Variants in TBC1D15 observed in about 807,000 individuals in gnomAD.
The protein encoded by TBC1D15 is GAP for RAB7.
TBC1D15 carries 39 observed loss-of-function variants against 95.4 expected under a neutral mutation model. The ratio of observed to expected loss-of-function variants is 0.41; its 90% CI spans 0.32 to 0.53. TBC1D15 has a LOEUF of 0.53. Ranked by LOEUF, TBC1D15 falls within the 20% of genes least tolerant of loss-of-function variation. TBC1D15 has a pLI of 0.29. For synonymous variants in TBC1D15, 258 were observed against 261.3 expected (o/e 0.99, Z 0.12); for missense variants, 733 against 794.3 (o/e 0.92, Z 0.93).
At position 71,923,239 on chromosome 12, in the gene TBC1D15, G is replaced by A; in HGVS notation, c.*35G>A. 6.3e-7 allele frequency: 1 copy of A among 1,598,024 alleles called. No individual in the cohort carries two copies. The highest frequency in any genetic ancestry group is 8.6e-7 in the Non-Finnish European group (1 of 1,167,248). ...TTGCTTTTTTGGGAAGAGACACTTT[G>A]TTGCAACCCTTTTTCAAGTACTTGA... On this transcript the variant is annotated 3_prime_UTR_variant, in exon 17 of 17. Transcript: ENST00000485960.
chr12:71,880,687 A>C (rs1345482986), intron 4 of TBC1D15, 80 bp downstream of exon 4: 5 of 1,431,404 alleles, frequency 3.5e-6, no homozygotes, highest in Non-Finnish European at 4.7e-6. Flanking sequence ...AGATTCGTGA[A>C]TGCTCCTCAG....
At position 71,884,914 on chromosome 12, in the gene TBC1D15, T is replaced by G; in HGVS notation, c.447T>G (p.Tyr149Ter). ...KQNKEGMGWS[Y>*]LVFCLKDDVV... ...ACAAAGAGGGTATGGGCTGGTCCTATTTGGTATTCTGTCTAAAGGATGACG... is the reference window on the plus strand; with the variant it reads ...ACAAAGAGGGTATGGGCTGGTCCTAGTTGGTATTCTGTCTAAAGGATGACG... The change falls in exon 5 of 17, where the codon TAT (tyrosine) becomes TAG (stop). Residue 149 changes from tyrosine to a stop codon, truncating the protein, a stop_gained. Transcript: ENST00000485960. LOFTEE classifies it high-confidence loss of function. 5 of 1,614,070 alleles carry G rather than the reference T, an allele frequency of 3.1e-6. No individual in the cohort carries two copies. The highest frequency in any genetic ancestry group is 4.2e-6 in the Non-Finnish European group (5 of 1,179,960).
At chr12:71,888,213 C>T (rs952584309) in intron 5 of TBC1D15, among the ~76,000 whole-genome samples, 1 of 152,172 alleles carries the variant, frequency 6.6e-6, no homozygotes, top group Non-Finnish European at 1.5e-5. Flanking sequence ...GATGGGCACA[C>T]TGGCCTATGC....
At chr12:71,844,331 G>C (rs767195246) in intron 1 of TBC1D15, among the ~76,000 whole-genome samples, 38 of 152,160 alleles carry the variant, frequency 2.5e-4, no homozygotes, top group Non-Finnish European at 4.4e-4. Context: ...TTTATGATCT[G>C]ATCTGGTCTC....
At chr12:71,879,515 A>T (rs1405499062) in intron 3 of TBC1D15, among the ~76,000 whole-genome samples, 3 of 152,290 alleles carry the variant, frequency 2.0e-5, no homozygotes, top group Middle Eastern at 3.4e-3. Context: ...GTATGTGTTT[A>T]GAAAGACCTA....
At chr12:71,904,278 G>A (rs151318468) in intron 10 of TBC1D15, among the ~76,000 whole-genome samples, 39 of 152,298 alleles carry the variant, frequency 2.6e-4, no homozygotes, top group Admixed American at 7.8e-4. Flanking sequence ...GAGATCACTG[G>A]AGATTTTGAT....
intron 1 of TBC1D15, among the ~76,000 whole-genome samples, chr12:71,859,424 AT>A (rs1348825710): frequency 6.6e-6 from 1 of 151,866 alleles, no homozygotes; most frequent in Non-Finnish European, 1.5e-5. Flanking sequence ...CTTGTTTCCT[AT>A]GCTATGCAGA....
At chr12:71,900,177 C>T (rs1419384372) in intron 10 of TBC1D15, among the ~76,000 whole-genome samples, 1 of 151,784 alleles carries the variant, frequency 6.6e-6, no homozygotes, top group Non-Finnish European at 1.5e-5. Flanking sequence ...GGTATATATA[C>T]CTTAAGGTGA....
At chr12:71,871,201 C>CA (rs1202067802) in intron 1 of TBC1D15, among the ~76,000 whole-genome samples, 1 of 152,116 alleles carries the variant, frequency 6.6e-6, no homozygotes, top group East Asian at 1.9e-4. Flanking sequence ...CCTATATTCC[C>CA]ATAGGAATTT....
chr12:71,897,431 T>C (rs1898420261), intron 9 of TBC1D15: 1 of 162,358 alleles, frequency 6.2e-6, no homozygotes, highest in African/African-American at 2.4e-5. Flanking sequence ...TTAACTAGTT[T>C]CTGCAATAAA....
intron 1 of TBC1D15, among the ~76,000 whole-genome samples, chr12:71,868,263 C>G (rs566606446): frequency 3.8e-5 from 5 of 130,232 alleles, no homozygotes; most frequent in African/African-American, 1.5e-4. Flanking sequence ...TTTTTTTTCT[C>G]GAGACGGAGT....
chr12:71,896,741 G>T lies in TBC1D15; in HGVS notation c.1049G>T (p.Ser350Ile). 6.2e-7 allele frequency: 1 copy of T among 1,612,772 alleles called. No homozygotes were observed. Among genetic ancestry groups the T allele is most frequent in the Non-Finnish European group, 8.5e-7 (1 of 1,179,310 alleles). ...KFLLGYFPWD[S>I]TKEERTQLQK... ...CTTCTGGGTTATTTTCCCTGGGACA[G>T]TACCAAGGAGGAAAGAACCCAATTA... Residue 350 changes from serine to isoleucine, a missense_variant, in exon 9 of 17, where the codon AGT becomes ATT. Ser to Ile is a moderately radical substitution (Grantham distance 142). Coordinates refer to ENST00000485960, the MANE Select transcript of TBC1D15 (RefSeq NM_001146213.3).
intron 3 of TBC1D15, among the ~76,000 whole-genome samples, chr12:71,877,139 A>G (rs566719244): frequency 2.0e-5 from 3 of 149,068 alleles, no homozygotes; most frequent in African/African-American, 7.4e-5. Flanking sequence ...CAGGTTTTCT[A>G]CTTTCCTTTA....
chr12:71,841,924 A>G (rs1417953131), intron 1 of TBC1D15, among the ~76,000 whole-genome samples: 1 of 152,126 alleles, frequency 6.6e-6, no homozygotes, highest in Non-Finnish European at 1.5e-5. Context: ...CTACTTCCTA[A>G]TCTTTTTTCT....
chr12:71,868,543 G>A lies in TBC1D15; in HGVS notation c.31-3527G>A, dbSNP rs1302702314. On this transcript the variant is annotated intron_variant, in intron 1 of 16. Coordinates refer to ENST00000485960, the MANE Select transcript of TBC1D15 (RefSeq NM_001146213.3). ...TTACAGGTGTGAGCCACTGTGCCCGGCCAGCTTTGACTTTTTTGTAAGGTG... is the reference window on the plus strand; with the variant it reads ...TTACAGGTGTGAGCCACTGTGCCCGACCAGCTTTGACTTTTTTGTAAGGTG... 2.6e-5 allele frequency among the ~76,000 whole-genome samples: 4 copies of A among 152,162 alleles called. No homozygotes were observed. The East Asian group carries it at 7.7e-4, about 29-fold the overall frequency.
intron 1 of TBC1D15, among the ~76,000 whole-genome samples, chr12:71,847,778 TA>T (rs1886706092): frequency 1.3e-5 from 2 of 152,032 alleles, no homozygotes; most frequent in African/African-American, 4.8e-5. Context: ...ACATTTGGGT[TA>T]TTTCCACTTT....
chr12:71,849,520 T>C (rs140116415), intron 1 of TBC1D15: 1 of 747,772 alleles, frequency 1.3e-6, no homozygotes, highest in Non-Finnish European at 2.5e-6. Flanking sequence ...AAGGTTCTTA[T>C]GGTCAGCTGT....
chr12:71,849,226 GT>G, intron 1 of TBC1D15: 1 of 539,490 alleles, frequency 1.9e-6, no homozygotes, highest in Non-Finnish European at 3.3e-6. Context: ...GTTCCTCATG[GT>G]TTGTTAGGAT....
At chr12:71,874,618 A>G (rs866683178) in intron 3 of TBC1D15, among the ~76,000 whole-genome samples, 3 of 141,198 alleles carry the variant, frequency 2.1e-5, no homozygotes, top group Admixed American at 7.0e-5. Flanking sequence ...ATTTATATTT[A>G]CTATTTTTTT....
Sources: allele counts gnomAD v4.1 joint callset (sites outside exome capture counted in the v4.1 genomes callset), GRCh38; gene constraint gnomAD v4.1.1; transcripts MANE v1.5; gene names NCBI Gene and HGNC (gene_info 2026-07-23, HGNC 2026-07-21).